PCSK5: variants seen among roughly 807,000 people sequenced by gnomAD.
The protein encoded by PCSK5 is proprotein convertase subtilisin/kexin type 5, also known as prohormone convertase 5.
In PCSK5, 129 loss-of-function variants were observed where a neutral mutation model predicts 233.2. The ratio of observed to expected loss-of-function variants is 0.55; its 90% CI spans 0.48 to 0.64. The LOEUF (loss-of-function observed/expected upper bound fraction) is 0.64, where lower values mean the gene tolerates loss of function less well. Ranked by LOEUF, PCSK5 falls within the 30% of genes least tolerant of loss-of-function variation. The pLI is 0.00. For synonymous variants in PCSK5, 825 were observed against 879.2 expected (o/e 0.94, Z 1.09); for missense variants, 2,076 against 2,430.1 (o/e 0.85, Z 3.06).
intron 2 of PCSK5, among the ~76,000 whole-genome samples, chr9:75,954,093 G>A (rs775081681): frequency 2.0e-5 from 3 of 152,174 alleles, no homozygotes; most frequent in Non-Finnish European, 4.4e-5. Flanking sequence ...TTAATAATCT[G>A]TAACGATGTG....
chr9:75,978,785 T>C (rs924124340), intron 2 of PCSK5, among the ~76,000 whole-genome samples: 2 of 152,212 alleles, frequency 1.3e-5, no homozygotes, highest in East Asian at 3.8e-4. Flanking sequence ...ATTAAGTCAC[T>C]GTGTCTTCTG....
chr9:76,156,621 G>A (rs1274809759), intron 10 of PCSK5, among the ~76,000 whole-genome samples: 1 of 152,208 alleles, frequency 6.6e-6, no homozygotes, highest in East Asian at 1.9e-4. Flanking sequence ...TGATTAAACA[G>A]TGGGGCCCTG....
rs1180530160 is a variant in PCSK5, at chr9:76,354,134, C to T, written c.5169C>T (p.His1723=). 6.3e-7 allele frequency: 1 copy of T among 1,599,352 alleles called. No homozygotes were observed. Among genetic ancestry groups the T allele is most frequent in the Non-Finnish European group, 8.5e-7 (1 of 1,173,978 alleles). ...CTLCPANLVL[H]MDDSHCLHCC... Reference sequence around the variant, plus strand: ...TGTGCCCTGCCAACCTGGTGCTGCACATGGACGACAGCCACTGCCTCCACT... The same window carrying T: ...TGTGCCCTGCCAACCTGGTGCTGCATATGGACGACAGCCACTGCCTCCACT... Residue 1723 remains histidine (H), a synonymous_variant, in exon 37 of 38, where the codon CAC becomes CAT. Coordinates refer to ENST00000674117, the MANE Select transcript of PCSK5 (RefSeq NM_001372043.1).
intron 24 of PCSK5, among the ~76,000 whole-genome samples, chr9:76,271,670 T>C (rs538908607): frequency 7.0e-6 from 1 of 142,998 alleles, no homozygotes; most frequent in African/African-American, 2.6e-5. Flanking sequence ...ACCCCATTTC[T>C]AAAAAAAAAA....
intron 1 of PCSK5, among the ~76,000 whole-genome samples, chr9:75,917,799 A>G (rs1823069766): frequency 2.0e-5 from 3 of 152,366 alleles, no homozygotes; most frequent in South Asian, 4.1e-4. Context: ...CTGTTGAGAT[A>G]CCTAAACATT....
At chr9:76,250,103 G>A (rs1032699300) in intron 24 of PCSK5, among the ~76,000 whole-genome samples, 3 of 152,094 alleles carry the variant, frequency 2.0e-5, no homozygotes, top group African/African-American at 7.2e-5. Flanking sequence ...TCAAGAGATC[G>A]AGACCATCCT....
At position 76,164,014 on chromosome 9, in the gene PCSK5, A is replaced by G. The variant is rs569350090; in HGVS notation, c.1619+4843A>G. On this transcript the variant is annotated intron_variant, in intron 12 of 37. Transcript: ENST00000674117. ...TTACAGATGAATATCTCTGCTTCTAATTATGGCCTTAAATGGAGAGAAGGT... is the reference window on the plus strand; with the variant it reads ...TTACAGATGAATATCTCTGCTTCTAGTTATGGCCTTAAATGGAGAGAAGGT... 2.8e-4 allele frequency among the ~76,000 whole-genome samples: 43 copies of G among 152,200 alleles called. 2 individuals carry two copies. The South Asian group carries it at 8.7e-3, about 31-fold the overall frequency.
chr9:76,236,489 C>T (rs1164478026), intron 22 of PCSK5, among the ~76,000 whole-genome samples: 4 of 152,158 alleles, frequency 2.6e-5, no homozygotes, highest in African/African-American at 7.2e-5. Context: ...GCCCTTCTAC[C>T]GCTGGAAATA....
At chr9:76,055,610 T>C (rs893991498) in intron 5 of PCSK5, among the ~76,000 whole-genome samples, 1 of 152,082 alleles carries the variant, frequency 6.6e-6, no homozygotes, top group African/African-American at 2.4e-5. Context: ...TCAATACTAA[T>C]GAAGGAATAT....
chr9:75,917,577 A>G (rs951735855), intron 1 of PCSK5, among the ~76,000 whole-genome samples: 3 of 152,386 alleles, frequency 2.0e-5, no homozygotes, highest in Admixed American at 2.0e-4. Flanking sequence ...ATCAAGATTT[A>G]TAGTCCGTGG....
intron 20 of PCSK5, among the ~76,000 whole-genome samples, chr9:76,207,783 G>A (rs1432560920): frequency 1.3e-5 from 2 of 152,182 alleles, no homozygotes; most frequent in Non-Finnish European, 2.9e-5. Flanking sequence ...ACAGGGAGGT[G>A]TGAGCACCTG....
intron 16 of PCSK5, among the ~76,000 whole-genome samples, chr9:76,184,181 G>A (rs1263024938): frequency 3.3e-5 from 5 of 152,154 alleles, no homozygotes; most frequent in Non-Finnish European, 7.3e-5. Context: ...CCTTACCCTT[G>A]CAGTCTTAAA....
In PCSK5 at chr9:76,268,491, TG is replaced by T. The variant is rs541400378; in HGVS notation, c.3143-23740del. ...GTCTAAAACATATTTCCTCATTACC[TG>T]GTGTGTACCCCAGTCTGTAGTATAA... On this transcript the variant is annotated intron_variant, in intron 24 of 37. Coordinates refer to ENST00000674117, the MANE Select transcript of PCSK5 (RefSeq NM_001372043.1). Among the ~76,000 whole-genome samples, 430 of 152,352 alleles carry T rather than the reference TG, an allele frequency of 2.8e-3. 12 individuals are homozygous for T. Among genetic ancestry groups the T allele is most frequent in the South Asian group, 6.2e-4 (3 of 4,832 alleles).
chr9:76,134,633 C>T (rs961752252), intron 10 of PCSK5, among the ~76,000 whole-genome samples: 2 of 151,912 alleles, frequency 1.3e-5, no homozygotes, highest in African/African-American at 2.4e-5. Flanking sequence ...TTGCTAAGGC[C>T]ATGCATTCTA....
Position 75,983,276 on chromosome 9 carries a change from A to G in PCSK5, c.298-2856A>G, listed in dbSNP as rs530748359. On this transcript the variant is annotated intron_variant, in intron 2 of 37. Transcript: ENST00000674117. ...ATTTATGTAATAACTTACATAATTT[A>G]TATGCATATGGTCACATTTTTTTTC... Among the ~76,000 whole-genome samples, 46 of 152,306 alleles carry G rather than the reference A, an allele frequency of 3.0e-4. No homozygotes were observed. In the South Asian group the frequency reaches 9.5e-3, roughly 32 times the overall value.
At position 76,150,597 on chromosome 9, in the gene PCSK5, C is replaced by A. The variant is rs1823631965; in HGVS notation, c.1313-6448C>A. On this transcript the variant is annotated intron_variant, in intron 10 of 37. Coordinates refer to ENST00000674117, the MANE Select transcript of PCSK5 (RefSeq NM_001372043.1). ...GCAGTGAGCCGAGATCACACCATTG[C>A]ACTCCAGCCTGGGCAACAAGAGTGA... Among the ~76,000 whole-genome samples, 3 of 152,274 alleles carry A rather than the reference C, an allele frequency of 2.0e-5. No homozygotes were observed. The South Asian group carries it at 6.2e-4, about 32-fold the overall frequency.
intron 24 of PCSK5, among the ~76,000 whole-genome samples, chr9:76,259,398 G>C (rs1436470756): frequency 2.0e-5 from 3 of 151,412 alleles, no homozygotes; most frequent in Non-Finnish European, 2.9e-5. Context: ...TTAAATGTCA[G>C]CTCCTAAGAG....
At position 76,350,941 on chromosome 9, in the gene PCSK5, G is replaced by C; in HGVS notation, c.5067+13G>C. 1.5e-6 allele frequency: 2 copies of C among 1,349,446 alleles called. No individual in the cohort carries two copies. Among genetic ancestry groups the C allele is most frequent in the Non-Finnish European group, 2.1e-6 (2 of 946,816 alleles). 83.6% of individuals were successfully genotyped at this position (1,349,446 alleles called of 1,614,324 possible). A position where few individuals can be genotyped will look rare whatever the true frequency, so the allele number is the denominator to read the frequency against. On this transcript the variant is annotated intron_variant, in intron 36 of 37. Transcript: ENST00000674117. ...CAGAGTGGGAGAGGTATGGAGGGCT[G>C]GGGGTCCTGGGCCTTCTGCTCTTTC...
In PCSK5 at chr9:76,097,568, A is replaced by G. The variant is rs74936027; in HGVS notation, c.1107+1466A>G. Among the ~76,000 whole-genome samples, 32 of 152,340 alleles carry G rather than the reference A, an allele frequency of 2.1e-4. No homozygotes were observed. The East Asian group carries it at 6.2e-3, about 29-fold the overall frequency. On this transcript the variant is annotated intron_variant, in intron 8 of 37. Transcript: ENST00000674117. ...CTCTAGGCAAACAGCCAGTGTAATT[A>G]AGAGTTCAGGTGGCAGGCTCAGCCT...
Sources: allele counts gnomAD v4.1 joint callset (sites outside exome capture counted in the v4.1 genomes callset), GRCh38; gene constraint gnomAD v4.1.1; transcripts MANE v1.5; gene names NCBI Gene and HGNC (gene_info 2026-07-23, HGNC 2026-07-21).